Variants in BET1 observed in about 807,000 individuals in gnomAD.
The protein encoded by BET1 is Bet1 golgi vesicular membrane trafficking protein, also known as BET1 homolog.
BET1 carries 9 observed loss-of-function variants against 13.9 expected under a neutral mutation model. The observed-to-expected ratio is 0.65, with a 90% confidence interval of 0.39 to 1.13. The LOEUF is 1.13. Ranked by LOEUF, BET1 falls within the 50% of genes most tolerant of loss-of-function variation. BET1 has a pLI of 0.01. For missense variants in BET1, 127 were observed against 133.6 expected, an observed-to-expected ratio of 0.95 and a Z score of 0.24; for synonymous variants, 39 against 47.3, an observed-to-expected ratio of 0.82 and a Z score of 0.72.
At chr7:93,975,341 G>T (rs1189398619) in intron 5 of BET1, among the ~76,000 whole-genome samples, 1 of 151,934 alleles carries the variant, frequency 6.6e-6, no homozygotes. Context: ...AAAACAAGAA[G>T]TTTTTAAAAA....
intron 1 of BET1, among the ~76,000 whole-genome samples, chr7:94,003,636 G>A (rs978636895): frequency 2.6e-5 from 4 of 152,074 alleles, no homozygotes; most frequent in African/African-American, 7.2e-5. Flanking sequence ...CCTTAACCAC[G>A]TTCTACTGCC....
At chr7:93,963,222 G>T (rs534446155) in exon 7 of BET1, 5 of 152,076 alleles carry the variant, frequency 3.3e-5, no homozygotes, top group Non-Finnish European at 5.9e-5. Flanking sequence ...CACCATGGTT[G>T]TAAGTTTCCT....
intron 4 of BET1, among the ~76,000 whole-genome samples, chr7:93,976,577 T>C (rs1291988063): frequency 2.0e-5 from 3 of 152,176 alleles, no homozygotes; most frequent in Non-Finnish European, 4.4e-5. Context: ...TATTGTTCTT[T>C]AAAAATAGCA....
chr7:93,970,174 A>C (rs1161762803), intron 6 of BET1, among the ~76,000 whole-genome samples: 1 of 151,830 alleles, frequency 6.6e-6, no homozygotes, highest in Admixed American at 6.6e-5. Context: ...TGAAAGAGGG[A>C]AATAAGTGGA....
At chr7:93,981,819 A>G (rs1795435631) in intron 4 of BET1, among the ~76,000 whole-genome samples, 1 of 152,210 alleles carries the variant, frequency 6.6e-6, no homozygotes, top group Non-Finnish European at 1.5e-5. Context: ...CATTGCAGTC[A>G]GTAGTGCCAA....
chr7:94,001,740 ATGTCT>A (rs2116148609), intron 1 of BET1, among the ~76,000 whole-genome samples: 1 of 152,342 alleles, frequency 6.6e-6, no homozygotes, highest in South Asian at 2.1e-4. Flanking sequence ...TAAAGAAAGA[ATGTCT>A]TCTTATTTTG....
chr7:93,968,253 C>A (rs938230910), intron 6 of BET1: 1 of 151,754 alleles, frequency 6.6e-6, no homozygotes, highest in Admixed American at 6.6e-5. Context: ...TACAGAAATA[C>A]ACCTGATTTT....
At chr7:93,992,956 G>A (rs1274449150), downstream of BET1, 1 of 985,260 alleles carries the variant, frequency 1.0e-6, no homozygotes, top group Admixed American at 6.2e-5. Flanking sequence ...CTGTCAGGTA[G>A]AGGCCCAAAT....
downstream of BET1, chr7:93,992,867 C>G: frequency 1.0e-6 from 1 of 982,426 alleles, no homozygotes; most frequent in Non-Finnish European, 1.2e-6. Flanking sequence ...TCATCTAACT[C>G]AAACCAGTGC....
intron 1 of BET1, among the ~76,000 whole-genome samples, chr7:94,002,553 G>A (rs899763580): frequency 1.3e-5 from 2 of 151,878 alleles, no homozygotes; most frequent in African/African-American, 4.8e-5. Flanking sequence ...CTGAGCTGAG[G>A]TCCAGGTAAC....
intron 5 of BET1, among the ~76,000 whole-genome samples, chr7:93,972,984 G>A (rs1193435625): frequency 6.6e-6 from 1 of 151,646 alleles, no homozygotes; most frequent in African/African-American, 2.4e-5. Flanking sequence ...CTGTAAACTG[G>A]CTGAATTCTT....
chr7:93,999,885 A>G (rs540913772), intron 1 of BET1, among the ~76,000 whole-genome samples: 3 of 152,280 alleles, frequency 2.0e-5, no homozygotes, highest in African/African-American at 4.8e-5. Context: ...TTATTCTTCA[A>G]CATATATTTG....
At chr7:93,984,775 T>C (rs1158733783) in intron 4 of BET1, among the ~76,000 whole-genome samples, 1 of 152,138 alleles carries the variant, frequency 6.6e-6, no homozygotes, top group Non-Finnish European at 1.5e-5. Flanking sequence ...CAAAGAAAAT[T>C]CAGATATAAA....
chr7:93,970,688 G>T (rs1795247150), intron 6 of BET1, among the ~76,000 whole-genome samples: 1 of 151,322 alleles, frequency 6.6e-6, no homozygotes, highest in South Asian at 2.1e-4. Context: ...ATTATAAAAT[G>T]AATTAATTAT....
At chr7:93,999,031 AGT>A in intron 2 of BET1, 137 bp downstream of exon 2, 1 of 543,750 alleles carries the variant, frequency 1.8e-6, no homozygotes. Flanking sequence ...CTAAATTTTG[AGT>A]GTACTTTGAC....
chr7:93,993,829 C>A lies in BET1; in HGVS notation c.*401G>T. The A allele has an allele frequency of 6.5e-7, 1 of 1,530,728 alleles. No homozygotes were observed. The highest frequency in any genetic ancestry group is 1.2e-5 in the South Asian group (1 of 82,670). 94.8% of individuals were successfully genotyped at this position (1,530,728 alleles called of 1,614,324 possible). A position where few individuals can be genotyped will look rare whatever the true frequency, so the allele number is the denominator to read the frequency against. ...CAATTACCATTTTACCACAAACTGG[C>A]TGACTACTTCAAGAGCTCAGAGTCA... On this transcript the variant is annotated 3_prime_UTR_variant, in exon 4 of 4. Transcript: ENST00000222547.
chr7:93,977,333 C>A (rs1389093156), intron 4 of BET1, among the ~76,000 whole-genome samples: 1 of 152,114 alleles, frequency 6.6e-6, no homozygotes, highest in Non-Finnish European at 1.5e-5. Context: ...ATGGGGCAGG[C>A]ACCTCTAGTT....
intron 6 of BET1, among the ~76,000 whole-genome samples, chr7:93,971,908 G>A (rs1012557906): frequency 6.7e-6 from 1 of 149,928 alleles, no homozygotes; most frequent in African/African-American, 2.5e-5. Context: ...TTTTGATATT[G>A]TACAGCTTTT....
At chr7:93,964,955 C>T (rs778811065) in exon 7 of BET1, 7 of 152,042 alleles carry the variant, frequency 4.6e-5, no homozygotes. Context: ...CCACTTAGCC[C>T]AGCAATCCCA....
Sources: allele counts gnomAD v4.1 joint callset (sites outside exome capture counted in the v4.1 genomes callset), GRCh38; gene constraint gnomAD v4.1.1; transcripts MANE v1.5; gene names NCBI Gene and HGNC (gene_info 2026-07-23, HGNC 2026-07-21).